Variants in KMT2C observed in about 807,000 individuals in gnomAD.
KMT2C encodes histone-lysine N-methyltransferase 2C.
In KMT2C, 88 loss-of-function variants were observed where a neutral mutation model predicts 507.9. The observed-to-expected ratio is 0.17, with a 90% CI of 0.15 to 0.21. The LOEUF is 0.21. Among genes scored for constraint, KMT2C ranks in the 10% least tolerant of loss-of-function variants. KMT2C has a pLI of 1.00. For synonymous variants in KMT2C, 2,049 were observed against 2,080.8 expected (o/e 0.98, Z 0.42); for missense variants, 4,954 against 5,957.8 (o/e 0.83, Z 5.55).
intron 1 of KMT2C, among the ~76,000 whole-genome samples, chr7:152,389,565 C>G (rs2097472303): frequency 1.3e-5 from 2 of 152,062 alleles, no homozygotes; most frequent in African/African-American, 4.8e-5. Context: ...AGCAATCCTC[C>G]CAAGTAGCTG....
intron 1 of KMT2C, among the ~76,000 whole-genome samples, chr7:152,434,223 T>A (rs531346230): frequency 1.2e-3 from 188 of 152,306 alleles, no homozygotes; most frequent in Non-Finnish European, 1.8e-3. Context: ...AGTCCTAACT[T>A]TGTATCACGA....
At chr7:152,357,994 G>A (rs181361753) in intron 2 of KMT2C, among the ~76,000 whole-genome samples, 90 of 152,202 alleles carry the variant, frequency 5.9e-4, no homozygotes, top group East Asian at 5.0e-3. Flanking sequence ...ATCTCCTACA[G>A]GTATCCTCTC....
In KMT2C at chr7:152,138,459, G is replaced by A. The variant is rs1178365420; in HGVS notation, c.14643+337C>T. 1 of 195,630 alleles carries A rather than the reference G, an allele frequency of 5.1e-6. No homozygotes were observed. Among genetic ancestry groups the A allele is most frequent in the Admixed American group, 5.3e-5 (1 of 18,938 alleles). 12.1% of individuals were successfully genotyped at this position (195,630 alleles called of 1,614,324 possible). On this transcript the variant is annotated intron_variant, in intron 58 of 58. Transcript: ENST00000262189. The surrounding 1 kb of genome is among the most constrained non-coding windows in gnomAD (Gnocchi z 4.2). Reference sequence around the variant, plus strand: ...AGAAGGACGGGGATGCTCTTCAGAGGGGACACTGCCAAACTGTGTCCAGGT... The same window carrying A: ...AGAAGGACGGGGATGCTCTTCAGAGAGGACACTGCCAAACTGTGTCCAGGT...
At chr7:152,250,162 TTTTC>T (rs1346381516) in intron 12 of KMT2C, among the ~76,000 whole-genome samples, 5 of 152,206 alleles carry the variant, frequency 3.3e-5, no homozygotes, top group South Asian at 2.1e-4. Context: ...CTTTTTCTCT[TTTTC>T]TTTAACAACT....
intron 1 of KMT2C, among the ~76,000 whole-genome samples, chr7:152,387,210 A>G (rs1236267656): frequency 1.3e-5 from 2 of 151,834 alleles, no homozygotes; most frequent in South Asian, 2.1e-4. Context: ...AAATATTAAA[A>G]TTATTAAAAA....
chr7:152,135,047 T>C lies in KMT2C; in HGVS notation c.*1785A>G, dbSNP rs186510546. The C allele has an allele frequency of 3.4e-4, 77 of 229,392 alleles. No homozygotes were observed. The highest frequency in any genetic ancestry group is 1.7e-3 in the African/African-American group (76 of 45,228). 14.2% of individuals were successfully genotyped at this position (229,392 alleles called of 1,614,324 possible). A position where few individuals can be genotyped will look rare whatever the true frequency, so the allele number is the denominator to read the frequency against. Reference sequence around the variant, plus strand: ...AATTTTTGCCAACATTAGATACTATTATACAGAACAGAAAACAACAAAAAC... The same window carrying C: ...AATTTTTGCCAACATTAGATACTATCATACAGAACAGAAAACAACAAAAAC... On this transcript the variant is annotated 3_prime_UTR_variant, in exon 59 of 59. Coordinates refer to ENST00000262189, the MANE Select transcript of KMT2C (RefSeq NM_170606.3).
chr7:152,361,618 A>T (rs1703319041), intron 1 of KMT2C, among the ~76,000 whole-genome samples: 1 of 152,222 alleles, frequency 6.6e-6, no homozygotes, highest in Admixed American at 6.5e-5. Flanking sequence ...AAACATTAAA[A>T]TAAAGTGGAA....
chr7:152,337,935 A>C (rs2096953189), intron 2 of KMT2C, among the ~76,000 whole-genome samples: 1 of 151,756 alleles, frequency 6.6e-6, no homozygotes, highest in South Asian at 2.1e-4. Flanking sequence ...CAGCTCACTG[A>C]AAGCTCTGCC....
chr7:152,142,038 A>C (rs78034305), intron 55 of KMT2C, among the ~76,000 whole-genome samples: 4,465 of 152,292 alleles, frequency 0.029, 223 homozygotes, highest in African/African-American at 0.1. Flanking sequence ...GAAGAAAGAA[A>C]ATCAGTTAAA....
chr7:152,308,519 T>C (rs1460281867), intron 6 of KMT2C, among the ~76,000 whole-genome samples: 1 of 151,094 alleles, frequency 6.6e-6, no homozygotes, highest in African/African-American at 2.4e-5. Context: ...CTACTAAATA[T>C]ACAAAAATTA....
intron 4 of KMT2C, among the ~76,000 whole-genome samples, chr7:152,313,209 C>G (rs774507556): frequency 1.4e-5 from 2 of 148,118 alleles, no homozygotes; most frequent in Non-Finnish European, 2.9e-5. Context: ...AATATATGCT[C>G]CATTACAAAT....
rs117334467 is a variant in KMT2C, at chr7:152,426,262, G to A, written c.161+9364C>T. 4.4e-3 allele frequency among the ~76,000 whole-genome samples: 595 copies of A among 136,612 alleles called. 18 individuals are homozygous for A. The East Asian group carries it at 0.078, about 18-fold the overall frequency. The allele number at this position is 136,612 out of a possible 152,430, so 89.6% of individuals were successfully genotyped here. A position where few individuals can be genotyped will look rare whatever the true frequency, so the allele number is the denominator to read the frequency against. On this transcript the variant is annotated intron_variant, in intron 1 of 58. Coordinates refer to ENST00000262189, the MANE Select transcript of KMT2C (RefSeq NM_170606.3). Reference sequence around the variant, plus strand: ...TTTTTTTTTTTTTTTTTGGGAGATAGGGTCTCGCTCTGTCACCCAGGCTGG... The same window carrying A: ...TTTTTTTTTTTTTTTTTGGGAGATAAGGTCTCGCTCTGTCACCCAGGCTGG...
In KMT2C at chr7:152,398,759, A is replaced by G. The variant is rs553893307; in HGVS notation, c.161+36867T>C. On this transcript the variant is annotated intron_variant, in intron 1 of 58. Transcript: ENST00000262189. Reference sequence around the variant, plus strand: ...CTTTATTTTTACCAGAATGTATTACATTCATAACTTTTTATGTGACATCTT... The same window carrying G: ...CTTTATTTTTACCAGAATGTATTACGTTCATAACTTTTTATGTGACATCTT... Among the ~76,000 whole-genome samples, 239 of 152,244 alleles carry G rather than the reference A, an allele frequency of 1.6e-3. 1 individual carries two copies. Among genetic ancestry groups the G allele is most frequent in the African/African-American group, 5.6e-3 (234 of 41,536 alleles).
intron 6 of KMT2C, among the ~76,000 whole-genome samples, chr7:152,287,508 A>C (rs2096323362): frequency 6.6e-6 from 1 of 152,218 alleles, no homozygotes; most frequent in Non-Finnish European, 1.5e-5. Flanking sequence ...GCAAAGTTTC[A>C]GATAAATCCT....
chr7:152,328,359 T>C (rs2096850352), intron 3 of KMT2C, among the ~76,000 whole-genome samples: 1 of 152,114 alleles, frequency 6.6e-6, no homozygotes, highest in Non-Finnish European at 1.5e-5. Context: ...AGGAGGCTAG[T>C]ATTATCAGCA....
intron 6 of KMT2C, among the ~76,000 whole-genome samples, chr7:152,283,814 A>G (rs2096256608): frequency 6.6e-6 from 1 of 152,222 alleles, no homozygotes; most frequent in African/African-American, 2.4e-5. Flanking sequence ...ACCAAAAATC[A>G]GAATCACAGA....
intron 23 of KMT2C, chr7:152,219,921 T>C (rs2094712578): frequency 6.6e-6 from 1 of 152,002 alleles, no homozygotes; most frequent in Admixed American, 6.6e-5. Context: ...GAGGGTCGCA[T>C]GAACCCAGGA....
At chr7:152,264,268 T>C (rs1171072863) in intron 8 of KMT2C, among the ~76,000 whole-genome samples, 22 of 152,210 alleles carry the variant, frequency 1.4e-4, no homozygotes, top group Non-Finnish European at 2.9e-5. Context: ...AGACTGATCA[T>C]GGCAGTTGGG....
At chr7:152,207,028 C>T (rs2094327116) in intron 24 of KMT2C, among the ~76,000 whole-genome samples, 2 of 152,106 alleles carry the variant, frequency 1.3e-5, no homozygotes, top group Middle Eastern at 3.4e-3. Context: ...GAACAAAAGC[C>T]AATCTAGTAA....
Sources: allele counts gnomAD v4.1 joint callset (sites outside exome capture counted in the v4.1 genomes callset), GRCh38; gene constraint gnomAD v4.1.1; non-coding constraint Gnocchi (gnomAD v3.1); transcripts MANE v1.5; gene names NCBI Gene and HGNC (gene_info 2026-07-23, HGNC 2026-07-21).